KDM2B: variants seen among roughly 807,000 people sequenced by gnomAD.
KDM2B encodes the protein lysine-specific demethylase 2B.
A neutral mutation model predicts 150.0 loss-of-function variants in KDM2B; 26 were observed. The observed-to-expected ratio is 0.17, with a 90% CI of 0.13 to 0.24. The LOEUF is 0.24. KDM2B is among the 10% of genes least tolerant of loss of function. The pLI, the probability that KDM2B is intolerant of heterozygous loss-of-function variation, is 1.00. For missense variants in KDM2B, 1,265 were observed against 1,816.9 expected (o/e 0.70, Z 5.52); for synonymous variants, 734 against 729.5 (o/e 1.01, Z -0.10).
chr12:121,437,781 A>G (rs1284991822), intron 22 of KDM2B, among the ~76,000 whole-genome samples: 1 of 152,186 alleles, frequency 6.6e-6, no homozygotes, highest in Non-Finnish European at 1.5e-5. Context: ...GAGGCATGTC[A>G]ACTGTCATCT....
chr12:121,574,865 C>T (rs1891397270), intron 3 of KDM2B, among the ~76,000 whole-genome samples: 1 of 152,180 alleles, frequency 6.6e-6, no homozygotes, highest in Admixed American at 6.5e-5. Flanking sequence ...CCCCATTTTT[C>T]CAGGGAAGCT....
At chr12:121,562,575 A>C (rs964754935) in intron 4 of KDM2B, among the ~76,000 whole-genome samples, 1 of 152,034 alleles carries the variant, frequency 6.6e-6, no homozygotes, top group Admixed American at 6.6e-5. Context: ...CAAGGGCAAG[A>C]TCCACAGCTC....
intron 4 of KDM2B, among the ~76,000 whole-genome samples, chr12:121,556,869 T>C (rs1337563719): frequency 6.7e-6 from 1 of 148,238 alleles, no homozygotes; most frequent in African/African-American, 2.5e-5. Context: ...AAAAAAAAAA[T>C]CCAACCTCAG....
intron 12 of KDM2B, among the ~76,000 whole-genome samples, chr12:121,480,685 C>G (rs1882013442): frequency 1.3e-5 from 2 of 150,790 alleles, no homozygotes; most frequent in African/African-American, 4.9e-5. Context: ...GTGAGAGGAG[C>G]ACTTGAGCCC....
intron 12 of KDM2B, among the ~76,000 whole-genome samples, chr12:121,457,125 G>A (rs548393016): frequency 6.6e-6 from 1 of 152,270 alleles, no homozygotes; most frequent in African/African-American, 2.4e-5. Context: ...ACAGAAAACA[G>A]TGACACAAAA....
At chr12:121,502,019 T>C (rs546374488) in intron 11 of KDM2B, among the ~76,000 whole-genome samples, 1 of 152,178 alleles carries the variant, frequency 6.6e-6, no homozygotes, top group East Asian at 1.9e-4. Flanking sequence ...GCCGCATCAA[T>C]GAACAGGTGT....
At chr12:121,557,455 G>A (rs1330006968) in intron 4 of KDM2B, among the ~76,000 whole-genome samples, 1 of 151,970 alleles carries the variant, frequency 6.6e-6, no homozygotes, top group African/African-American at 2.4e-5. Flanking sequence ...GCCCAGGCTG[G>A]TCTTGAACTC....
chr12:121,431,735 C>T (rs956707459), intron 22 of KDM2B, among the ~76,000 whole-genome samples: 18 of 152,092 alleles, frequency 1.2e-4, no homozygotes, highest in African/African-American at 4.3e-4. Flanking sequence ...CTCACCAATT[C>T]GTGAACCTGG....
At chr12:121,434,929 C>T (rs112339496) in intron 22 of KDM2B, among the ~76,000 whole-genome samples, 1 of 151,906 alleles carries the variant, frequency 6.6e-6, no homozygotes, top group East Asian at 1.9e-4. Context: ...TGCACTCAAA[C>T]CTGGGCGACA....
intron 11 of KDM2B, among the ~76,000 whole-genome samples, chr12:121,505,936 G>A (rs1353540132): frequency 6.6e-6 from 1 of 152,196 alleles, no homozygotes; most frequent in African/African-American, 2.4e-5. Flanking sequence ...CATCTGGGGA[G>A]AACAGGCTGC....
intron 12 of KDM2B, among the ~76,000 whole-genome samples, chr12:121,461,983 A>G (rs1879179408): frequency 6.6e-6 from 1 of 152,234 alleles, no homozygotes; most frequent in Non-Finnish European, 1.5e-5. Flanking sequence ...GGGAGCAGTT[A>G]CAAGTTTCAA....
chr12:121,432,955 A>G (rs1294507112), intron 22 of KDM2B, among the ~76,000 whole-genome samples: 1 of 152,192 alleles, frequency 6.6e-6, no homozygotes, highest in African/African-American at 2.4e-5. Flanking sequence ...TCTGGCTGGC[A>G]CACTGCTGTG....
chr12:121,443,581 G>A (rs1412954285), intron 17 of KDM2B, 99 bp downstream of exon 17: 1 of 763,542 alleles, frequency 1.3e-6, no homozygotes, highest in Non-Finnish European at 2.3e-6. Flanking sequence ...AGCCTCAGGA[G>A]AGGCAGCAGT....
chr12:121,465,261 C>G (rs989393179), intron 12 of KDM2B, among the ~76,000 whole-genome samples: 4 of 152,318 alleles, frequency 2.6e-5, no homozygotes, highest in Middle Eastern at 3.4e-3. Flanking sequence ...GAGTCTCACT[C>G]TCGTCGCTCA....
intron 4 of KDM2B, among the ~76,000 whole-genome samples, chr12:121,563,416 G>A (rs1258158002): frequency 6.6e-6 from 1 of 151,836 alleles, no homozygotes; most frequent in Non-Finnish European, 1.5e-5. Context: ...AGACCAGCCT[G>A]GCCAATATGG....
intron 12 of KDM2B, among the ~76,000 whole-genome samples, chr12:121,480,053 G>C (rs568231436): frequency 6.6e-6 from 1 of 152,126 alleles, no homozygotes; most frequent in Non-Finnish European, 1.5e-5. Context: ...CAAGTAGCTA[G>C]CACTTCAGGT....
At chr12:121,538,036 C>A (rs1298865170) in intron 6 of KDM2B, among the ~76,000 whole-genome samples, 50 of 151,198 alleles carry the variant, frequency 3.3e-4, no homozygotes, top group Admixed American at 5.9e-4. Context: ...GCCCCCTCCA[C>A]GGCGCTGCCA....
chr12:121,528,764 A>G (rs1346172389), intron 8 of KDM2B, among the ~76,000 whole-genome samples: 1 of 151,952 alleles, frequency 6.6e-6, no homozygotes, highest in Non-Finnish European at 1.5e-5. Flanking sequence ...GTGGCGGCAC[A>G]TGCCTGTAAT....
chr12:121,437,736 C>G (rs1490424077), intron 22 of KDM2B, among the ~76,000 whole-genome samples: 1 of 152,168 alleles, frequency 6.6e-6, no homozygotes, highest in East Asian at 1.9e-4. Flanking sequence ...TCCCTTGTCA[C>G]GAGACCAGAT....
Sources: allele counts gnomAD v4.1 joint callset (sites outside exome capture counted in the v4.1 genomes callset), GRCh38; gene constraint gnomAD v4.1.1; transcripts MANE v1.5; gene names NCBI Gene and HGNC (gene_info 2026-07-23, HGNC 2026-07-21).